PPP3CA: variants seen among roughly 807,000 people sequenced by gnomAD.
PPP3CA encodes the protein CAM-PRP catalytic subunit.
In PPP3CA, 14 loss-of-function variants were observed where a neutral mutation model predicts 66.5. The ratio of observed to expected loss-of-function variants is 0.21; its 90% CI spans 0.14 to 0.33. The LOEUF (loss-of-function observed/expected upper bound fraction) is 0.33, where lower values mean the gene tolerates loss of function less well. Among genes scored for constraint, PPP3CA ranks in the 10% least tolerant of loss-of-function variants. The pLI is 1.00. For missense variants in PPP3CA, 317 were observed against 639.5 expected, an observed-to-expected ratio of 0.50 and a Z score of 5.44; for synonymous variants, 232 against 226.2, an observed-to-expected ratio of 1.03 and a Z score of -0.23.
intron 2 of PPP3CA, among the ~76,000 whole-genome samples, chr4:101,124,679 AAG>A (rs776327384): frequency 1.3e-5 from 1 of 79,430 alleles, no homozygotes; most frequent in East Asian, 3.3e-4. Context: ...GAAAGAAAGA[AAG>A]AAAGAAAGAA....
chr4:101,117,742 T>A (rs1332269997), intron 2 of PPP3CA, among the ~76,000 whole-genome samples: 1 of 151,828 alleles, frequency 6.6e-6, no homozygotes, highest in Non-Finnish European at 1.5e-5. Context: ...AATTTGTTCA[T>A]CACCCTGTTC....
At chr4:101,213,072 T>C (rs980560429) in intron 1 of PPP3CA, among the ~76,000 whole-genome samples, 2 of 152,148 alleles carry the variant, frequency 1.3e-5, no homozygotes, top group Admixed American at 6.6e-5. Flanking sequence ...AAATAGCTAA[T>C]CATTTTGACA....
At chr4:101,205,703 T>A (rs555327687) in intron 1 of PPP3CA, among the ~76,000 whole-genome samples, 1 of 152,300 alleles carries the variant, frequency 6.6e-6, no homozygotes, top group Non-Finnish European at 1.5e-5. Context: ...CCTATAGGCA[T>A]CAAAATCATT....
chr4:101,346,989 C>T lies in PPP3CA; in HGVS notation c.-193G>A. 4.7e-6 allele frequency: 3 copies of T among 633,580 alleles called. No individual in the cohort carries two copies. Among genetic ancestry groups the T allele is most frequent in the Non-Finnish European group, 8.2e-6 (3 of 366,776 alleles). 39.2% of individuals were successfully genotyped at this position (633,580 alleles called of 1,614,324 possible). ...TCCGCGCGTCCCTCCTCCGCCGCCG[C>T]CGCCTTCACTCCTCCTCCGCCGCTG... On this transcript the variant is annotated 5_prime_UTR_variant, in exon 1 of 14. Transcript: ENST00000394854.
At position 101,274,260 on chromosome 4, in the gene PPP3CA, C is replaced by T. The variant is rs189276938; in HGVS notation, c.58+72479G>A. ...CGGAGGTTATAGTGAGCTGAGATTG[C>T]AAGATTGCGCCACTGCACTCCAGCC... is the stretch of plus-strand genomic sequence containing the variant. On this transcript the variant is annotated intron_variant, in intron 1 of 13. Transcript: ENST00000394854. Among the ~76,000 whole-genome samples, 306 of 152,240 alleles carry T rather than the reference C, an allele frequency of 2.0e-3. 1 individual carries two copies. Among genetic ancestry groups the T allele is most frequent in the African/African-American group, 5.2e-3 (215 of 41,538 alleles).
At chr4:101,050,641 A>G (rs1727968594) in intron 10 of PPP3CA, among the ~76,000 whole-genome samples, 1 of 152,186 alleles carries the variant, frequency 6.6e-6, no homozygotes, top group South Asian at 2.1e-4. Context: ...TAAGGTCTTT[A>G]GCTAGAGGTG....
chr4:101,189,084 C>T (rs932880099), intron 2 of PPP3CA, among the ~76,000 whole-genome samples: 1 of 151,940 alleles, frequency 6.6e-6, no homozygotes, highest in Non-Finnish European at 1.5e-5. Context: ...TGTCTGTGTC[C>T]AAAACGCTCC....
chr4:101,224,122 T>C (rs1030930393), intron 1 of PPP3CA, among the ~76,000 whole-genome samples: 66 of 151,734 alleles, frequency 4.3e-4, no homozygotes, highest in African/African-American at 1.6e-3. Context: ...GACCACAAAT[T>C]TATCATTAAA....
intron 1 of PPP3CA, among the ~76,000 whole-genome samples, chr4:101,316,483 G>A (rs1161880265): frequency 1.3e-5 from 2 of 152,024 alleles, no homozygotes; most frequent in African/African-American, 4.8e-5. Flanking sequence ...AGACAAACTC[G>A]GGTGGGATTT....
At chr4:101,247,710 T>C (rs1726534064) in intron 1 of PPP3CA, among the ~76,000 whole-genome samples, 1 of 152,172 alleles carries the variant, frequency 6.6e-6, no homozygotes, top group African/African-American at 2.4e-5. Flanking sequence ...TGTAGGTATT[T>C]CAACAAAAGA....
At chr4:101,108,623 G>T (rs940579546) in intron 3 of PPP3CA, among the ~76,000 whole-genome samples, 1 of 152,060 alleles carries the variant, frequency 6.6e-6, no homozygotes, top group Non-Finnish European at 1.5e-5. Flanking sequence ...AAAATTAACT[G>T]GGCATGGTGG....
intron 2 of PPP3CA, among the ~76,000 whole-genome samples, chr4:101,158,686 TC>T (rs1723405769): frequency 2.0e-5 from 3 of 152,310 alleles, no homozygotes; most frequent in African/African-American, 7.2e-5. Context: ...ATAAATAATA[TC>T]TGAATGAGTC....
chr4:101,044,114 A>G (rs889096191), intron 10 of PPP3CA, among the ~76,000 whole-genome samples: 3 of 152,310 alleles, frequency 2.0e-5, no homozygotes, highest in African/African-American at 7.2e-5. Flanking sequence ...CTGAAATAAA[A>G]TATGTGGATT....
chr4:101,276,598 G>C (rs1017969556), intron 1 of PPP3CA, among the ~76,000 whole-genome samples: 8 of 151,842 alleles, frequency 5.3e-5, no homozygotes, highest in African/African-American at 1.7e-4. Context: ...ACATTATCAC[G>C]CAGTTCATTT....
intron 1 of PPP3CA, among the ~76,000 whole-genome samples, chr4:101,307,358 A>G (rs1367498274): frequency 3.3e-5 from 5 of 152,176 alleles, no homozygotes; most frequent in South Asian, 2.1e-4. Context: ...TAGCTGCCAT[A>G]TGTCAAGTAT....
chr4:101,141,662 C>T (rs963703113), intron 2 of PPP3CA, among the ~76,000 whole-genome samples: 5 of 152,160 alleles, frequency 3.3e-5, no homozygotes, highest in African/African-American at 1.2e-4. Flanking sequence ...TCTTGTATTT[C>T]CTACCTGACA....
chr4:101,028,096 C>T (rs1244813382), intron 13 of PPP3CA, among the ~76,000 whole-genome samples: 1 of 152,112 alleles, frequency 6.6e-6, no homozygotes, highest in Admixed American at 6.6e-5. Flanking sequence ...GTTTCCCCTA[C>T]CATATCCAAA....
chr4:101,321,666 C>G (rs1014143488), intron 1 of PPP3CA, among the ~76,000 whole-genome samples: 1 of 152,034 alleles, frequency 6.6e-6, no homozygotes, highest in African/African-American at 2.4e-5. Context: ...CCAGGCATAC[C>G]GAGTACCAGT....
At chr4:101,081,111 G>T (rs538298613) in intron 7 of PPP3CA, among the ~76,000 whole-genome samples, 152 of 152,146 alleles carry the variant, frequency 1.0e-3, no homozygotes, top group African/African-American at 3.6e-3. Flanking sequence ...CCTAGACTAA[G>T]TGATTTTAAG....
Sources: allele counts gnomAD v4.1 joint callset (sites outside exome capture counted in the v4.1 genomes callset), GRCh38; gene constraint gnomAD v4.1.1; transcripts MANE v1.5; gene names NCBI Gene and HGNC (gene_info 2026-07-23, HGNC 2026-07-21).